The following MDGA2 variants were observed in gnomAD, a reference collection of about 807,000 sequenced individuals.
MDGA2 encodes MAM domain-containing glycosylphosphatidylinositol anchor protein 2.
In MDGA2, 40 loss-of-function variants were observed where a neutral mutation model predicts 117.8. That is an observed-to-expected ratio of 0.34 (90% CI 0.26 to 0.44). MDGA2 has a LOEUF of 0.44. MDGA2 is among the 20% of genes least tolerant of loss of function. The pLI, the probability that MDGA2 is intolerant of heterozygous loss-of-function variation, is 1.00. For synonymous variants in MDGA2, 452 were observed against 439.0 expected, an observed-to-expected ratio of 1.03 and a Z score of -0.37; for missense variants, 1,123 against 1,250.6, an observed-to-expected ratio of 0.90 and a Z score of 1.54.
chr14:47,159,456 C>T (rs1402208246), intron 3 of MDGA2, among the ~76,000 whole-genome samples: 1 of 152,152 alleles, frequency 6.6e-6, no homozygotes, highest in Non-Finnish European at 1.5e-5. Context: ...GTCAATCATT[C>T]CCATTAATTG....
At chr14:47,482,001 A>G (rs1161179399) in intron 1 of MDGA2, among the ~76,000 whole-genome samples, 1 of 152,074 alleles carries the variant, frequency 6.6e-6, no homozygotes, top group Non-Finnish European at 1.5e-5. Context: ...ACCGTGATAT[A>G]GAAGTCTTAT....
At chr14:47,632,751 CT>C (rs34064088) in intron 1 of MDGA2, among the ~76,000 whole-genome samples, 3 of 150,970 alleles carry the variant, frequency 2.0e-5, no homozygotes, top group East Asian at 1.9e-4. Flanking sequence ...TCTTTTCTTT[CT>C]TTTTTTTTGA....
intron 2 of MDGA2, among the ~76,000 whole-genome samples, chr14:47,250,758 A>C (rs1887419597): frequency 6.6e-6 from 1 of 152,242 alleles, no homozygotes; most frequent in African/African-American, 2.4e-5. Flanking sequence ...AGTTTTCCAC[A>C]CAGATATGTG....
chr14:47,190,039 C>T (rs1222561204), intron 3 of MDGA2, among the ~76,000 whole-genome samples: 1 of 152,150 alleles, frequency 6.6e-6, no homozygotes, highest in Non-Finnish European at 1.5e-5. Context: ...GTAGTGGTAG[C>T]ATCTTACAGA....
intron 1 of MDGA2, among the ~76,000 whole-genome samples, chr14:47,597,572 A>C (rs559515155): frequency 6.6e-6 from 1 of 152,188 alleles, no homozygotes; most frequent in Non-Finnish European, 1.5e-5. Flanking sequence ...TGTAAAAAAT[A>C]ACTTTATAAT....
At chr14:47,617,229 G>A (rs1016175629) in intron 1 of MDGA2, among the ~76,000 whole-genome samples, 19 of 149,310 alleles carry the variant, frequency 1.3e-4, no homozygotes, top group African/African-American at 3.7e-4. Flanking sequence ...TTTTTGAGAC[G>A]GAGGCTCGCT....
chr14:47,034,823 G>T (rs1309260993), intron 8 of MDGA2, among the ~76,000 whole-genome samples, 188 bp downstream of exon 8: 1 of 151,488 alleles, frequency 6.6e-6, no homozygotes, highest in Non-Finnish European at 1.5e-5. Flanking sequence ...GCACATTTAG[G>T]GTAGATTATA....
At chr14:47,159,857 G>T (rs1011476369) in intron 3 of MDGA2, among the ~76,000 whole-genome samples, 1 of 151,852 alleles carries the variant, frequency 6.6e-6, no homozygotes. Context: ...AGAATCTTTT[G>T]GTTATTTTTC....
intron 5 of MDGA2, among the ~76,000 whole-genome samples, chr14:47,106,851 A>C (rs1389433785): frequency 7.1e-6 from 1 of 140,864 alleles, no homozygotes; most frequent in Non-Finnish European, 1.6e-5. Context: ...AGGCTTCTAA[A>C]CCTCTTAAAA....
chr14:47,602,204 T>C (rs979130477), intron 1 of MDGA2, among the ~76,000 whole-genome samples: 2 of 152,148 alleles, frequency 1.3e-5, no homozygotes, highest in Admixed American at 6.6e-5. Context: ...GAAATGACCA[T>C]GTTAAACAAC....
intron 14 of MDGA2, among the ~76,000 whole-genome samples, chr14:46,867,563 T>G (rs1303625696): frequency 6.6e-6 from 1 of 151,004 alleles, no homozygotes; most frequent in Non-Finnish European, 1.5e-5. Context: ...AAAGAGAAAC[T>G]TAATGATTAG....
chr14:47,664,997 T>C (rs1489163923), intron 1 of MDGA2, among the ~76,000 whole-genome samples: 1 of 152,188 alleles, frequency 6.6e-6, no homozygotes, highest in Non-Finnish European at 1.5e-5. Context: ...AATAAAATTG[T>C]ATGATGACAC....
chr14:47,584,782 T>G (rs923581208), intron 1 of MDGA2, among the ~76,000 whole-genome samples: 1 of 151,828 alleles, frequency 6.6e-6, no homozygotes, highest in Non-Finnish European at 1.5e-5. Flanking sequence ...CTCCATGAAT[T>G]AATCATTGCC....
At chr14:47,012,820 G>A (rs1887941915) in intron 8 of MDGA2, among the ~76,000 whole-genome samples, 1 of 152,048 alleles carries the variant, frequency 6.6e-6, no homozygotes, top group Non-Finnish European at 1.5e-5. Context: ...TATTGCAGAA[G>A]AGCAAGCCAC....
chr14:47,226,246 T>C (rs1382485421), intron 2 of MDGA2, among the ~76,000 whole-genome samples: 1 of 150,996 alleles, frequency 6.6e-6, no homozygotes, highest in Middle Eastern at 3.2e-3. Flanking sequence ...AATAAATAAA[T>C]AAATAAATAA....
At chr14:47,499,578 C>G (rs1380141830) in intron 1 of MDGA2, among the ~76,000 whole-genome samples, 1 of 152,092 alleles carries the variant, frequency 6.6e-6, no homozygotes, top group Non-Finnish European at 1.5e-5. Context: ...AGAATCTGAA[C>G]AGTGCAGTTG....
intron 3 of MDGA2, among the ~76,000 whole-genome samples, chr14:47,181,014 T>C (rs1566668953): frequency 6.6e-6 from 1 of 152,152 alleles, no homozygotes; most frequent in Non-Finnish European, 1.5e-5. Flanking sequence ...TACTTGGTAG[T>C]AGTGTAAGTA....
chr14:47,569,269 CAAAATCTAAT>C (rs1895975609), intron 1 of MDGA2, among the ~76,000 whole-genome samples: 1 of 152,100 alleles, frequency 6.6e-6, no homozygotes, highest in Non-Finnish European at 1.5e-5. Flanking sequence ...TGTCCAGGGC[CAAAATCTAAT>C]AATCATTCTC....
chr14:47,381,936 G>A (rs1891639503), intron 1 of MDGA2, among the ~76,000 whole-genome samples: 1 of 152,120 alleles, frequency 6.6e-6, no homozygotes. Flanking sequence ...AAAGCTGGAG[G>A]CATCACACTA....
Sources: gnomAD v4.1 joint callset for allele counts (sites outside exome capture counted in the v4.1 genomes callset) on GRCh38, gnomAD v4.1.1 for gene constraint, MANE v1.5 for transcripts, NCBI Gene and HGNC (gene_info 2026-07-23, HGNC 2026-07-21) for gene names.